SUCLG2: variants seen among roughly 807,000 people sequenced by gnomAD.
SUCLG2 encodes succinate-CoA ligase GDP-forming subunit beta.
Under a neutral mutation model 47.9 loss-of-function variants are expected in SUCLG2, and 42 were observed. That is an observed-to-expected ratio of 0.88 (90% CI 0.69 to 1.14). The LOEUF (loss-of-function observed/expected upper bound fraction) is 1.14. Ranked by LOEUF, SUCLG2 falls within the 50% of genes most tolerant of loss-of-function variation. SUCLG2 has a pLI of 0.00. For synonymous variants in SUCLG2, 195 were observed against 197.3 expected, an observed-to-expected ratio of 0.99 and a Z score of 0.10; for missense variants, 571 against 525.9, an observed-to-expected ratio of 1.09 and a Z score of -0.84.
chr3:67,475,614 C>T lies in SUCLG2; in HGVS notation c.1062+20184G>A, dbSNP rs78615999. Among the ~76,000 whole-genome samples the T allele has an allele frequency of 4.4e-3, 675 of 152,300 alleles. 9 individuals are homozygous for T. In the East Asian group the frequency reaches 0.058, roughly 13 times the overall value. ...ATCAAATGATTTGCTGAGCATGAAGCATTCAGGTGCTATCACCCACTATGA... is the reference window on the plus strand; with the variant it reads ...ATCAAATGATTTGCTGAGCATGAAGTATTCAGGTGCTATCACCCACTATGA... On this transcript the variant is annotated intron_variant, in intron 9 of 10. Transcript: ENST00000307227.
intron 10 of SUCLG2, among the ~76,000 whole-genome samples, chr3:67,368,853 C>A (rs1701910673): frequency 6.6e-6 from 1 of 151,996 alleles, no homozygotes; most frequent in Non-Finnish European, 1.5e-5. Flanking sequence ...TGATCTGCAC[C>A]CCTCAACCTC....
rs1378634256 is a variant in SUCLG2 at position 67,375,080 on chromosome 3, T to A, written c.*664A>T. 8 of 985,768 alleles carry A rather than the reference T, an allele frequency of 8.1e-6. No individual in the cohort carries two copies. The African/African-American group carries it at 1.4e-4, about 17-fold the overall frequency. 61.1% of individuals were successfully genotyped at this position (985,768 alleles called of 1,614,324 possible). On this transcript the variant is annotated 3_prime_UTR_variant, in exon 11 of 11. Coordinates refer to ENST00000307227, the MANE Select transcript of SUCLG2 (RefSeq NM_003848.4). The stretch of plus-strand genomic sequence containing the variant: ...ATAAGGCTTCTGGTTTTCTTTTTAG[T>A]GTGAGGTAAACAGTATATTCAATAT...
At chr3:67,446,408 C>T (rs1575702135) in intron 9 of SUCLG2, among the ~76,000 whole-genome samples, 1 of 124,518 alleles carries the variant, frequency 8.0e-6, no homozygotes, top group Non-Finnish European at 1.6e-5. Flanking sequence ...TAAATATGTA[C>T]ATATGTACAT....
intron 2 of SUCLG2, among the ~76,000 whole-genome samples, chr3:67,565,829 G>C (rs1460944210): frequency 6.6e-6 from 1 of 152,158 alleles, no homozygotes; most frequent in African/African-American, 2.4e-5. Context: ...GGTGAAAAAG[G>C]GTGAATTGAA....
chr3:67,443,776 G>A lies in SUCLG2; in HGVS notation c.1063-42925C>T, dbSNP rs1275300191. Among the ~76,000 whole-genome samples the A allele has an allele frequency of 1.6e-4, 14 of 87,790 alleles. No individual in the cohort carries two copies. In the East Asian group the frequency reaches 5.6e-3, roughly 35 times the overall value. The allele number at this position is 87,790 out of a possible 152,430, so 57.6% of individuals were successfully genotyped here. ...TGGGAGGTGAGGAGCATCTCTGCCC[G>A]GCCGCCCCGTCTGAGAAGTGAGGAG... On this transcript the variant is annotated intron_variant, in intron 9 of 10. Coordinates refer to ENST00000307227, the MANE Select transcript of SUCLG2 (RefSeq NM_003848.4).
At chr3:67,573,735 C>T (rs577191553) in intron 2 of SUCLG2, among the ~76,000 whole-genome samples, 27 of 152,248 alleles carry the variant, frequency 1.8e-4, no homozygotes, top group Middle Eastern at 3.4e-3. Flanking sequence ...TGGTGGGAAG[C>T]GCTCTATCAG....
At chr3:67,372,101 A>T (rs1701963188), downstream of SUCLG2, among the ~76,000 whole-genome samples, 1 of 152,206 alleles carries the variant, frequency 6.6e-6, no homozygotes, top group Non-Finnish European at 1.5e-5. Context: ...GCTGTCAATT[A>T]ATTAGCATTA....
rs774148132 is a variant in SUCLG2, at chr3:67,405,891, C to T, written c.1063-5040G>A. ...TGTATATGTACTAACGCATTTAACA[C>T]ATGAGTATCACAGGAGGTGGGTATA... On this transcript the variant is annotated intron_variant, in intron 9 of 10. Transcript: ENST00000307227. Among the ~76,000 whole-genome samples, 115 of 152,184 alleles carry T rather than the reference C, an allele frequency of 7.6e-4. 2 individuals are homozygous for T. Among genetic ancestry groups the T allele is most frequent in the Non-Finnish European group, 1.6e-4 (11 of 68,036 alleles).
intron 9 of SUCLG2, among the ~76,000 whole-genome samples, chr3:67,411,105 G>C (rs1702923481): frequency 6.6e-6 from 1 of 152,002 alleles, no homozygotes; most frequent in Non-Finnish European, 1.5e-5. Flanking sequence ...CTATAAACAG[G>C]ATGTCTACCC....
chr3:67,419,167 T>C (rs1165548848), intron 9 of SUCLG2, among the ~76,000 whole-genome samples: 1 of 152,196 alleles, frequency 6.6e-6, no homozygotes, highest in Admixed American at 6.5e-5. Context: ...ATCAGCTAAA[T>C]TTACAAAGAA....
chr3:67,397,520 T>A (rs1214668738), intron 10 of SUCLG2, among the ~76,000 whole-genome samples: 1 of 151,962 alleles, frequency 6.6e-6, no homozygotes, highest in East Asian at 1.9e-4. Context: ...AAATAAAAGA[T>A]GATATAAACA....
At chr3:67,651,764 T>C (rs1701289019) in intron 1 of SUCLG2, among the ~76,000 whole-genome samples, 1 of 152,188 alleles carries the variant, frequency 6.6e-6, no homozygotes, top group African/African-American at 2.4e-5. Context: ...TGTCTTATAT[T>C]TCAGTTTAAA....
rs372575700 is a variant in SUCLG2 at position 67,446,354 on chromosome 3, TAAAAAA to T, written c.1063-45509_1063-45504del. Among the ~76,000 whole-genome samples, 152 of 17,406 alleles carry T rather than the reference TAAAAAA, an allele frequency of 8.7e-3. 40 individuals are homozygous for T. Among genetic ancestry groups the T allele is most frequent in the African/African-American group, 0.029 (145 of 4,974 alleles). 11.4% of individuals were successfully genotyped at this position (17,406 alleles called of 152,430 possible). On this transcript the variant is annotated intron_variant, in intron 9 of 10. Coordinates refer to ENST00000307227, the MANE Select transcript of SUCLG2 (RefSeq NM_003848.4). ...TAATGCTGCTATAAACATTTGTATATAAAAAAAAAAAAAAAAAAAAAGAAATTAGAT... is the reference window on the plus strand; with the variant it reads ...TAATGCTGCTATAAACATTTGTATATAAAAAAAAAAAAAAAGAAATTAGAT...
downstream of SUCLG2, chr3:67,374,711 C>T (rs1702000008): frequency 2.3e-6 from 2 of 869,504 alleles, no homozygotes; most frequent in African/African-American, 1.8e-5. Flanking sequence ...GAGAGATACA[C>T]ACAGATCTTA....
At chr3:67,594,961 A>T (rs1398309067) in intron 2 of SUCLG2, among the ~76,000 whole-genome samples, 1 of 152,212 alleles carries the variant, frequency 6.6e-6, no homozygotes, top group Non-Finnish European at 1.5e-5. Flanking sequence ...TAATACCTCA[A>T]GATCAGACTC....
At chr3:67,447,038 C>G (rs1044022709) in intron 9 of SUCLG2, among the ~76,000 whole-genome samples, 8 of 152,104 alleles carry the variant, frequency 5.3e-5, no homozygotes, top group African/African-American at 1.7e-4. Flanking sequence ...TAGTAATTAG[C>G]TGATGAAAAT....
At chr3:67,501,260 C>T (rs1471740669) in intron 7 of SUCLG2, among the ~76,000 whole-genome samples, 1 of 152,150 alleles carries the variant, frequency 6.6e-6, no homozygotes, top group Non-Finnish European at 1.5e-5. Flanking sequence ...TCAAATTGAA[C>T]TGCCACCTTC....
At chr3:67,434,737 CTTCT>C (rs771605566) in intron 9 of SUCLG2, among the ~76,000 whole-genome samples, 3 of 152,186 alleles carry the variant, frequency 2.0e-5, no homozygotes, top group Non-Finnish European at 4.4e-5. Context: ...AATGTATTTC[CTTCT>C]TTATCAGATT....
At chr3:67,483,622 T>A (rs1243901635) in intron 9 of SUCLG2, among the ~76,000 whole-genome samples, 1 of 152,252 alleles carries the variant, frequency 6.6e-6, no homozygotes, top group Non-Finnish European at 1.5e-5. Flanking sequence ...GAGATGTATT[T>A]CACTCACTGC....
Sources: allele counts gnomAD v4.1 joint callset (sites outside exome capture counted in the v4.1 genomes callset), GRCh38; gene constraint gnomAD v4.1.1; transcripts MANE v1.5; gene names NCBI Gene and HGNC (gene_info 2026-07-23, HGNC 2026-07-21).